Variants in FAM153A observed in about 807,000 individuals in gnomAD.
FAM153A encodes the protein protein FAM153A.
A neutral mutation model predicts 48.1 loss-of-function variants in FAM153A; 12 were observed. The ratio of observed to expected loss-of-function variants is 0.25; its 90% CI spans 0.16 to 0.40. The LOEUF (loss-of-function observed/expected upper bound fraction) is 0.40. FAM153A is among the 10% of genes least tolerant of loss of function. The pLI is 1.00. For missense variants in FAM153A, 111 were observed against 345.8 expected (o/e 0.32, Z 5.38); for synonymous variants, 36 against 118.2 (o/e 0.30, Z 4.51).
downstream of FAM153A, among the ~76,000 whole-genome samples, chr5:177,710,526 A>G (rs1215280486): frequency 6.6e-6 from 1 of 151,480 alleles, no homozygotes; most frequent in Non-Finnish European, 1.5e-5. Context: ...GATTTTATGC[A>G]TGCTTTTTGT....
At chr5:177,710,163 A>G (rs1758284471), downstream of FAM153A, among the ~76,000 whole-genome samples, 1 of 147,326 alleles carries the variant, frequency 6.8e-6, no homozygotes, top group Admixed American at 6.8e-5. Context: ...CCCAGGCTGG[A>G]GTGCAATAGC....
chr5:177,708,729 T>C (rs17052274), downstream of FAM153A, among the ~76,000 whole-genome samples: 18,143 of 151,610 alleles, frequency 0.12, 1,334 homozygotes, highest in East Asian at 0.33. Context: ...GGAAAGACGG[T>C]ATTGGCAAGT....
At chr5:177,736,534 CTAATA>C in intron 12 of FAM153A, 40 bp downstream of exon 14, 1 of 1,473,252 alleles carries the variant, frequency 6.8e-7, no homozygotes. Context: ...CTTTGCAACT[CTAATA>C]TTTTGAACCT....
intron 10 of FAM153A, among the ~76,000 whole-genome samples, chr5:177,738,786 G>C (rs1444961438): frequency 6.6e-6 from 1 of 151,604 alleles, no homozygotes; most frequent in East Asian, 1.9e-4. Context: ...TCTTTGTGTT[G>C]AGCTGTGCAC....
downstream of FAM153A, among the ~76,000 whole-genome samples, chr5:177,706,270 C>T (rs1481556328): frequency 1.1e-4 from 17 of 151,740 alleles, 1 homozygote; most frequent in Admixed American, 3.9e-4. Flanking sequence ...AGTCTCGGCT[C>T]ACTGCAACCT....
the FAM153A span, among the ~76,000 whole-genome samples, chr5:177,697,858 C>A: frequency 6.6e-6 from 1 of 151,390 alleles, no homozygotes; most frequent in East Asian, 1.9e-4. Flanking sequence ...CCTTAGTGTT[C>A]TATTCTGCAG....
In FAM153A at chr5:177,769,264, G is replaced by A. The variant is rs556948665; in HGVS notation, c.-57+11185C>T. Among the ~76,000 whole-genome samples the A allele has an allele frequency of 5.5e-5, 5 of 91,648 alleles. 1 individual carries two copies. The highest frequency in any genetic ancestry group is 6.5e-4 in the East Asian group (2 of 3,080). 60.1% of individuals were successfully genotyped at this position (91,648 alleles called of 152,430 possible). On this transcript the variant is annotated intron_variant, in intron 1 of 8. Coordinates refer to the FAM153A transcript ENST00000393518. ...AAAAAAAAAAAAGGGTGAGAACCGT[G>A]CAATATATTTCAAGAGACCACATTC...
downstream of FAM153A, chr5:177,723,258 A>G (rs1445520606): frequency 2.3e-5 from 3 of 129,034 alleles, no homozygotes; most frequent in African/African-American, 8.0e-5. Context: ...TAAGACACAA[A>G]TTTCTCATGT....
intron 1 of FAM153A, chr5:177,753,105 A>G (rs1767252029): frequency 8.9e-7 from 1 of 1,129,864 alleles, no homozygotes; most frequent in Non-Finnish European, 1.3e-6. Context: ...AATCAGAATG[A>G]CATTTAACAT....
intron 2 of FAM153A, among the ~76,000 whole-genome samples, chr5:177,749,918 T>G (rs1329788673): frequency 6.9e-6 from 1 of 144,464 alleles, no homozygotes; most frequent in Non-Finnish European, 1.5e-5. Context: ...AATTAGAAAA[T>G]TATGTTCATC....
At chr5:177,758,873 TAGA>T (rs1480562383) in intron 1 of FAM153A, among the ~76,000 whole-genome samples, 1 of 150,374 alleles carries the variant, frequency 6.7e-6, no homozygotes, top group Non-Finnish European at 1.5e-5. Context: ...ATAAAAACCC[TAGA>T]AGAAAACCTA....
chr5:177,759,920 TTG>T (rs1219429128), intron 1 of FAM153A, among the ~76,000 whole-genome samples: 1 of 151,512 alleles, frequency 6.6e-6, no homozygotes, highest in Non-Finnish European at 1.5e-5. Context: ...AACCTGCACG[TTG>T]TGCACATGTA....
intron 1 of FAM153A, among the ~76,000 whole-genome samples, chr5:177,769,069 C>CAA (rs1356659927): frequency 3.2e-5 from 2 of 63,042 alleles, no homozygotes; most frequent in South Asian, 6.1e-4. Flanking sequence ...TAAAGAAATC[C>CAA]AAAAAAAAAA....
intron 18 of FAM153A, among the ~76,000 whole-genome samples, chr5:177,725,568 G>A (rs2127597458): frequency 1.3e-5 from 2 of 151,812 alleles, no homozygotes; most frequent in South Asian, 2.1e-4. Flanking sequence ...AGAAATGAGG[G>A]GACCCTCCCA....
intron 6 of FAM153A, among the ~76,000 whole-genome samples, 184 bp from the exon 9 acceptor site, chr5:177,741,516 C>T (rs1407336142): frequency 4.7e-5 from 5 of 105,370 alleles, no homozygotes; most frequent in Non-Finnish European, 8.3e-5. Flanking sequence ...CAGGAAACCA[C>T]GGAAGACAGA....
chr5:177,707,580 A>G (rs1025029019), downstream of FAM153A, among the ~76,000 whole-genome samples: 6 of 151,956 alleles, frequency 3.9e-5, no homozygotes, highest in Non-Finnish European at 8.8e-5. Flanking sequence ...TTCATTTGTA[A>G]CAAAATGACT....
exon 27 of FAM153A, chr5:177,712,995 A>T (rs1447422966): frequency 6.6e-6 from 1 of 151,940 alleles, no homozygotes; most frequent in Non-Finnish European, 1.5e-5. Context: ...CATCTTTGAC[A>T]CTGTGCTCTA....
At chr5:177,739,160 A>G (rs1212640604) in intron 9 of FAM153A, 23 bp from the exon 12 acceptor site, 5 of 1,612,212 alleles carry the variant, frequency 3.1e-6, no homozygotes, top group Non-Finnish European at 4.2e-6. Context: ...AAAGAAAAAC[A>G]CCATGAGGGT....
intron 18 of FAM153A, among the ~76,000 whole-genome samples, chr5:177,727,227 GCC>G (rs1202013457): frequency 2.5e-3 from 338 of 134,370 alleles, no homozygotes; most frequent in Middle Eastern, 7.4e-3. Flanking sequence ...GTGCAGGGAT[GCC>G]ACAACAAAAA....
Sources: gnomAD v4.1 joint callset for allele counts (sites outside exome capture counted in the v4.1 genomes callset) on GRCh38, gnomAD v4.1.1 for gene constraint, MANE v1.5 for transcripts, NCBI Gene and HGNC (gene_info 2026-07-23, HGNC 2026-07-21) for gene names.